The following DAB1 variants were observed in gnomAD, a reference collection of about 807,000 sequenced individuals.
DAB1 encodes DAB adaptor protein 1.
In DAB1, 15 loss-of-function variants were observed where a neutral mutation model predicts 64.6. The observed-to-expected ratio is 0.23, with a 90% CI of 0.16 to 0.36. DAB1 has a LOEUF of 0.36. Among genes scored for constraint, DAB1 ranks in the 10% least tolerant of loss-of-function variants. The pLI is 1.00. For synonymous variants in DAB1, 235 were observed against 251.9 expected (o/e 0.93, Z 0.64); for missense variants, 596 against 706.7 (o/e 0.84, Z 1.78).
intron 4 of DAB1, among the ~76,000 whole-genome samples, chr1:58,310,414 T>C (rs1662399385): frequency 6.6e-6 from 1 of 152,206 alleles, no homozygotes; most frequent in African/African-American, 2.4e-5. Flanking sequence ...GAGAACATTA[T>C]AGGAGAGTAT....
At chr1:58,377,133 A>C (rs1411179832) in intron 3 of DAB1, among the ~76,000 whole-genome samples, 1 of 148,914 alleles carries the variant, frequency 6.7e-6, no homozygotes, top group African/African-American at 2.5e-5. Flanking sequence ...CTCTTTATCC[A>C]ACTTGCCAGT....
chr1:57,122,358 A>G (rs1479459110), intron 4 of DAB1, among the ~76,000 whole-genome samples: 1 of 152,180 alleles, frequency 6.6e-6, no homozygotes, highest in Non-Finnish European at 1.5e-5. Flanking sequence ...AAGAAAAACA[A>G]ATGACTTCAA....
At chr1:58,232,806 A>C (rs1659842990) in intron 4 of DAB1, among the ~76,000 whole-genome samples, 1 of 152,210 alleles carries the variant, frequency 6.6e-6, no homozygotes, top group African/African-American at 2.4e-5. Context: ...GGCTCTGTTC[A>C]ATCAAATATC....
chr1:58,212,455 C>T (rs1658607764), intron 4 of DAB1, among the ~76,000 whole-genome samples: 1 of 152,170 alleles, frequency 6.6e-6, no homozygotes, highest in Admixed American at 6.5e-5. Flanking sequence ...CATTCTTAAT[C>T]ACTACAGCAT....
intron 5 of DAB1, among the ~76,000 whole-genome samples, chr1:58,130,889 C>G (rs536588885): frequency 1.3e-5 from 2 of 152,038 alleles, no homozygotes; most frequent in African/African-American, 4.8e-5. Flanking sequence ...CTGCCCTTAA[C>G]ATTTTTTCCT....
intron 5 of DAB1, among the ~76,000 whole-genome samples, chr1:58,061,948 C>G (rs1213681414): frequency 6.6e-6 from 1 of 152,098 alleles, no homozygotes; most frequent in African/African-American, 2.4e-5. Flanking sequence ...TAGTATCTAC[C>G]CTAACATGCC....
At chr1:57,512,720 C>T (rs1644419030) in intron 7 of DAB1, among the ~76,000 whole-genome samples, 1 of 152,248 alleles carries the variant, frequency 6.6e-6, no homozygotes, top group Non-Finnish European at 1.5e-5. Context: ...TTGGCAGCTA[C>T]TGGCACAATC....
At chr1:57,289,526 C>T (rs574418030) in intron 2 of DAB1, among the ~76,000 whole-genome samples, 11 of 152,264 alleles carry the variant, frequency 7.2e-5, no homozygotes, top group African/African-American at 2.4e-4. Flanking sequence ...ACAAAATAGA[C>T]TGCCTCCAAA....
intron 4 of DAB1, among the ~76,000 whole-genome samples, chr1:57,101,595 A>C (rs79363752): frequency 1.3e-5 from 2 of 152,342 alleles, no homozygotes; most frequent in Admixed American, 1.3e-4. Context: ...AAAGAAAGCT[A>C]TAGATTCAGA....
intron 6 of DAB1, among the ~76,000 whole-genome samples, chr1:57,797,877 A>G (rs1362896447): frequency 6.6e-6 from 1 of 152,178 alleles, no homozygotes. Flanking sequence ...TACAAGCTAT[A>G]CAAATGTTAC....
intron 1 of DAB1, among the ~76,000 whole-genome samples, chr1:58,542,006 T>C (rs1300374048): frequency 2.0e-5 from 3 of 152,238 alleles, no homozygotes; most frequent in East Asian, 1.9e-4. Context: ...TCTAGAAAGA[T>C]GCTCCAGGAC....
chr1:57,619,578 A>C (rs1558547347), intron 7 of DAB1, among the ~76,000 whole-genome samples: 1 of 151,720 alleles, frequency 6.6e-6, no homozygotes, highest in African/African-American at 2.4e-5. Context: ...TTTTTAAACT[A>C]TTTTTGTAGA....
At chr1:57,466,917 C>T (rs1014618943) in intron 7 of DAB1, among the ~76,000 whole-genome samples, 1 of 152,284 alleles carries the variant, frequency 6.6e-6, no homozygotes, top group South Asian at 2.1e-4. Context: ...TTTTGTTCTG[C>T]CACAAGCCAG....
At chr1:58,246,904 C>T (rs186418706) in intron 4 of DAB1, among the ~76,000 whole-genome samples, 12 of 151,402 alleles carry the variant, frequency 7.9e-5, no homozygotes, top group East Asian at 5.8e-4. Context: ...TGTGTGTGTA[C>T]GGTGTGAGCA....
intron 5 of DAB1, among the ~76,000 whole-genome samples, chr1:57,906,356 G>A (rs1160819725): frequency 6.6e-6 from 1 of 152,124 alleles, no homozygotes; most frequent in Non-Finnish European, 1.5e-5. Context: ...CATTGAACAT[G>A]AGGAAAATAA....
At chr1:58,205,505 G>A (rs945242602) in intron 4 of DAB1, among the ~76,000 whole-genome samples, 1 of 152,172 alleles carries the variant, frequency 6.6e-6, no homozygotes, top group African/African-American at 2.4e-5. Flanking sequence ...GGCCCCTCAA[G>A]GCCCTGAGAA....
intron 2 of DAB1, among the ~76,000 whole-genome samples, chr1:57,186,136 A>G (rs17482980): frequency 0.081 from 12,396 of 152,246 alleles, 569 homozygotes; most frequent in Middle Eastern, 0.13. Context: ...TGTTCTATGT[A>G]AGTTTAGGGT....
intron 5 of DAB1, among the ~76,000 whole-genome samples, chr1:58,073,009 C>T (rs982206089): frequency 2.0e-5 from 3 of 152,146 alleles, no homozygotes; most frequent in Non-Finnish European, 4.4e-5. Context: ...TATTCACCAA[C>T]CTTAATGAGG....
chr1:57,168,216 T>C (rs762751352), intron 2 of DAB1, among the ~76,000 whole-genome samples: 2 of 152,222 alleles, frequency 1.3e-5, no homozygotes, highest in Admixed American at 6.5e-5. Context: ...AAATGAAATG[T>C]CAGTGGTTTC....
Sources: allele counts gnomAD v4.1 joint callset (sites outside exome capture counted in the v4.1 genomes callset), GRCh38; gene constraint gnomAD v4.1.1; transcripts MANE v1.5; gene names NCBI Gene and HGNC (gene_info 2026-07-23, HGNC 2026-07-21).